Variants in CTIF observed in about 807,000 individuals in gnomAD.
CTIF encodes cap binding complex dependent translation initiation factor, also known as CBP80/20-dependent translation initiation factor.
In CTIF, 21 loss-of-function variants were observed where a neutral mutation model predicts 66.0. The observed-to-expected ratio is 0.32, with a 90% CI of 0.23 to 0.46. CTIF has a LOEUF of 0.46. CTIF is among the 20% of genes least tolerant of loss of function. The pLI, the probability that CTIF is intolerant of heterozygous loss-of-function variation, is 1.00. For synonymous variants in CTIF, 345 were observed against 326.4 expected (o/e 1.06, Z -0.62); for missense variants, 739 against 812.7 (o/e 0.91, Z 1.10).
chr18:48,616,415 G>A (rs1568075941), intron 1 of CTIF, among the ~76,000 whole-genome samples: 1 of 152,208 alleles, frequency 6.6e-6, no homozygotes, highest in East Asian at 1.9e-4. Context: ...AGAATTCACT[G>A]CTCACTGGCG....
At chr18:48,598,530 G>T (rs540446968) in intron 1 of CTIF, among the ~76,000 whole-genome samples, 5 of 152,316 alleles carry the variant, frequency 3.3e-5, no homozygotes, top group African/African-American at 1.2e-4. Context: ...CCAGCAATAA[G>T]CTCATGGCAG....
chr18:48,582,772 A>C (rs539493742), intron 1 of CTIF, among the ~76,000 whole-genome samples: 3 of 152,102 alleles, frequency 2.0e-5, no homozygotes, highest in Admixed American at 6.5e-5. Context: ...AGTCCTTAGA[A>C]CAACCCTGTG....
At chr18:48,719,462 A>G (rs1175177529) in intron 7 of CTIF, among the ~76,000 whole-genome samples, 1 of 152,210 alleles carries the variant, frequency 6.6e-6, no homozygotes, top group Admixed American at 6.6e-5. Flanking sequence ...ACATCAGCTC[A>G]TTCACATGAG....
intron 10 of CTIF, among the ~76,000 whole-genome samples, chr18:48,850,048 A>AC (rs1347287800): frequency 6.6e-6 from 1 of 151,974 alleles, no homozygotes; most frequent in Non-Finnish European, 1.5e-5. Context: ...CCTGGCACCC[A>AC]CCATTCTGCT....
At chr18:48,680,444 C>G (rs2054291137) in intron 6 of CTIF, among the ~76,000 whole-genome samples, 1 of 152,252 alleles carries the variant, frequency 6.6e-6, no homozygotes, top group African/African-American at 2.4e-5. Context: ...AGCTGCTGGC[C>G]TAGCCCTGCT....
At chr18:48,729,763 G>A (rs945364843) in intron 7 of CTIF, among the ~76,000 whole-genome samples, 5 of 152,204 alleles carry the variant, frequency 3.3e-5, no homozygotes, top group South Asian at 2.1e-4. Flanking sequence ...GTCCTGCCTC[G>A]GGTAGAGGAC....
At chr18:48,817,636 C>T (rs2068395475) in intron 10 of CTIF, among the ~76,000 whole-genome samples, 4 of 151,990 alleles carry the variant, frequency 2.6e-5, no homozygotes, top group Admixed American at 1.3e-4. Context: ...ATTAACCAGG[C>T]GTGGTGGTGG....
At chr18:48,572,354 G>A (rs180819188) in intron 1 of CTIF, among the ~76,000 whole-genome samples, 13 of 152,264 alleles carry the variant, frequency 8.5e-5, no homozygotes, top group African/African-American at 1.4e-4. Flanking sequence ...AAGTCAATAC[G>A]TAGAATTAAC....
intron 6 of CTIF, among the ~76,000 whole-genome samples, chr18:48,693,877 A>G (rs578029161): frequency 7.9e-5 from 12 of 152,320 alleles, no homozygotes; most frequent in Non-Finnish European, 1.2e-4. Flanking sequence ...AGCCTAAAAT[A>G]TTTAGTATTT....
intron 10 of CTIF, among the ~76,000 whole-genome samples, chr18:48,846,948 G>T (rs184725528): frequency 2.0e-5 from 3 of 152,258 alleles, no homozygotes; most frequent in African/African-American, 7.2e-5. Flanking sequence ...TACAGACAAA[G>T]AATAGGTAAA....
At chr18:48,836,611 G>T (rs2068816392) in intron 10 of CTIF, among the ~76,000 whole-genome samples, 1 of 152,214 alleles carries the variant, frequency 6.6e-6, no homozygotes, top group African/African-American at 2.4e-5. Context: ...GCCAGCACCT[G>T]CCATTCCCCT....
At chr18:48,571,290 G>A (rs1368436458) in intron 1 of CTIF, among the ~76,000 whole-genome samples, 1 of 152,102 alleles carries the variant, frequency 6.6e-6, no homozygotes, top group Non-Finnish European at 1.5e-5. Flanking sequence ...CTGAGTAGCT[G>A]GGATTACAGG....
At chr18:48,852,345 C>T (rs896664834) in intron 10 of CTIF, among the ~76,000 whole-genome samples, 2 of 152,006 alleles carry the variant, frequency 1.3e-5, no homozygotes, top group African/African-American at 4.8e-5. Context: ...CCACCTTTCC[C>T]TCCGATCCCA....
intron 7 of CTIF, among the ~76,000 whole-genome samples, chr18:48,735,594 G>T (rs931005513): frequency 1.3e-5 from 2 of 152,112 alleles, no homozygotes; most frequent in Non-Finnish European, 2.9e-5. Flanking sequence ...GAGGGAAGGA[G>T]GTGAGGACAG....
At chr18:48,742,312 G>A (rs56045502) in intron 7 of CTIF, among the ~76,000 whole-genome samples, 3,053 of 152,280 alleles carry the variant, frequency 0.02, 76 homozygotes, top group African/African-American at 0.06. Context: ...AAAGGAGCAG[G>A]GCAGGTTACA....
intron 6 of CTIF, among the ~76,000 whole-genome samples, chr18:48,677,945 G>A (rs1048926736): frequency 1.3e-5 from 2 of 152,246 alleles, no homozygotes; most frequent in African/African-American, 4.8e-5. Flanking sequence ...CAAATACCCT[G>A]GGAAATGTTT....
intron 9 of CTIF, among the ~76,000 whole-genome samples, chr18:48,769,587 C>A (rs951100893): frequency 8.5e-5 from 13 of 152,254 alleles, no homozygotes; most frequent in African/African-American, 1.4e-4. Context: ...AGGAGGCCAG[C>A]AGTCACAGGA....
rs548584341 is a variant in CTIF at position 48,599,763 on chromosome 18, T to C, written c.-28-19775T>C. On this transcript the variant is annotated intron_variant, in intron 1 of 11. Transcript: ENST00000256413. ...GGATCCAGAGGATTAGAAGGAGATC[T>C]CCTCTAGCGACAGGGTGGGTACCAT... Among the ~76,000 whole-genome samples, 9 of 152,306 alleles carry C rather than the reference T, an allele frequency of 5.9e-5. No individual in the cohort carries two copies. In the East Asian group the frequency reaches 1.7e-3, roughly 29 times the overall value.
intron 1 of CTIF, among the ~76,000 whole-genome samples, chr18:48,557,386 C>A (rs1187596406): frequency 6.6e-6 from 1 of 152,166 alleles, no homozygotes; most frequent in Non-Finnish European, 1.5e-5. Flanking sequence ...CAACCAGGAA[C>A]CTTCCCTGGA....
Sources: gnomAD v4.1 joint callset for allele counts (sites outside exome capture counted in the v4.1 genomes callset) on GRCh38, gnomAD v4.1.1 for gene constraint, MANE v1.5 for transcripts, NCBI Gene and HGNC (gene_info 2026-07-23, HGNC 2026-07-21) for gene names.